The following JHY variants were observed in gnomAD, a reference collection of about 807,000 sequenced individuals.
JHY encodes junctional cadherin complex regulator, also known as jhy protein homolog.
In JHY, 69 loss-of-function variants were observed where a neutral mutation model predicts 78.0. The observed-to-expected ratio is 0.88, with a 90% CI of 0.73 to 1.08. The LOEUF (loss-of-function observed/expected upper bound fraction) is 1.08. Among genes scored for constraint, JHY ranks in the 50% least tolerant of loss-of-function variants. The pLI, the probability that JHY is intolerant of heterozygous loss-of-function variation, is 0.00. For missense variants in JHY, 944 were observed against 927.8 expected, an observed-to-expected ratio of 1.02 and a Z score of -0.23; for synonymous variants, 368 against 342.6, an observed-to-expected ratio of 1.07 and a Z score of -0.82.
At chr11:122,933,577 A>G (rs1236062890) in intron 4 of JHY, among the ~76,000 whole-genome samples, 2 of 152,210 alleles carry the variant, frequency 1.3e-5, no homozygotes, top group East Asian at 3.9e-4. Context: ...TATTTCCCCC[A>G]GATGTTTGAT....
At chr11:122,929,219 G>A (rs1480717213) in intron 4 of JHY, among the ~76,000 whole-genome samples, 2 of 150,478 alleles carry the variant, frequency 1.3e-5, no homozygotes, top group Admixed American at 6.6e-5. Context: ...GAGCCACCAC[G>A]CCTGGCCAAG....
chr11:122,891,013 C>T (rs1368474804), intron 2 of JHY, among the ~76,000 whole-genome samples: 3 of 152,102 alleles, frequency 2.0e-5, no homozygotes, highest in Admixed American at 2.0e-4. Flanking sequence ...TGTTAGTCTT[C>T]GAAGCCTCTC....
At chr11:122,892,663 A>G (rs1395231640) in intron 2 of JHY, among the ~76,000 whole-genome samples, 1 of 152,122 alleles carries the variant, frequency 6.6e-6, no homozygotes, top group Non-Finnish European at 1.5e-5. Context: ...TGTTTCTCTC[A>G]GATGCTTTCA....
chr11:122,887,463 C>T (rs1862519277), intron 2 of JHY, among the ~76,000 whole-genome samples: 1 of 152,142 alleles, frequency 6.6e-6, no homozygotes. Context: ...GCTGGGACTA[C>T]AGGCATGTGC....
At chr11:122,913,967 T>C (rs1459019988) in intron 3 of JHY, among the ~76,000 whole-genome samples, 1 of 152,226 alleles carries the variant, frequency 6.6e-6, no homozygotes, top group Non-Finnish European at 1.5e-5. Flanking sequence ...AACAAGAACT[T>C]GTGCTGTTAA....
rs367710958 is a variant in JHY at position 122,918,832 on chromosome 11, G to A, written c.865-6065G>A. 1.7e-4 allele frequency among the ~76,000 whole-genome samples: 25 copies of A among 147,520 alleles called. No homozygotes were observed. In the East Asian group the frequency reaches 4.4e-3, roughly 26 times the overall value. ...ACCCGTAGAGCTATACAGCAAGACA[G>A]CCCTGCACATGGTCCGTCCTTTTTC... On this transcript the variant is annotated intron_variant, in intron 3 of 8. Coordinates refer to ENST00000227349, the MANE Select transcript of JHY (RefSeq NM_024806.4).
chr11:122,884,978 T>TA (rs1328990996), intron 1 of JHY, among the ~76,000 whole-genome samples: 208 of 151,142 alleles, frequency 1.4e-3, no homozygotes, highest in African/African-American at 4.2e-3. Context: ...TTTTGTATTT[T>TA]TTTTTTTTTT....
chr11:122,889,833 A>G (rs1862571603), intron 2 of JHY, among the ~76,000 whole-genome samples: 1 of 152,132 alleles, frequency 6.6e-6, no homozygotes, highest in African/African-American at 2.4e-5. Context: ...ATCTTGGCTC[A>G]CTGCAACCTG....
At chr11:122,934,166 T>C (rs1398896904) in intron 4 of JHY, among the ~76,000 whole-genome samples, 2 of 152,028 alleles carry the variant, frequency 1.3e-5, no homozygotes, top group African/African-American at 2.4e-5. Context: ...GTCACCTTCC[T>C]AGAAGTCTCA....
intron 2 of JHY, among the ~76,000 whole-genome samples, chr11:122,896,097 C>T (rs1005331548): frequency 6.6e-6 from 1 of 152,154 alleles, no homozygotes; most frequent in Admixed American, 6.5e-5. Context: ...TATACACATT[C>T]TTAGAGTTTC....
At chr11:122,944,121 C>T (rs188814099) in intron 5 of JHY, among the ~76,000 whole-genome samples, 28 of 152,128 alleles carry the variant, frequency 1.8e-4, no homozygotes, top group African/African-American at 5.5e-4. Context: ...CACTTGAGCC[C>T]GTAAGTCAGA....
intron 2 of JHY, among the ~76,000 whole-genome samples, chr11:122,888,022 T>C (rs540970948): frequency 7.0e-6 from 1 of 143,320 alleles, no homozygotes; most frequent in South Asian, 2.3e-4. Context: ...CTTTCTTTCT[T>C]ATCTTTCTTC....
intron 2 of JHY, among the ~76,000 whole-genome samples, chr11:122,887,621 G>T (rs367830463): frequency 6.6e-6 from 1 of 151,214 alleles, no homozygotes; most frequent in Non-Finnish European, 1.5e-5. Flanking sequence ...GTGCCCGGCC[G>T]ATTTTTTTTT....
rs188600503 is a variant in JHY at position 122,915,614 on chromosome 11, G to T, written c.865-9283G>T. ...TGCAACCTCTGCCTCCTGGGTTCAA[G>T]CGATTCTCCTGCGTCAGCCTCCCAA... On this transcript the variant is annotated intron_variant, in intron 3 of 8. Transcript: ENST00000227349. 2.8e-4 allele frequency among the ~76,000 whole-genome samples: 42 copies of T among 152,304 alleles called. No homozygotes were observed. In the East Asian group the frequency reaches 7.3e-3, roughly 27 times the overall value.
At chr11:122,905,151 A>G in intron 3 of JHY, 2 of 1,577,594 alleles carry the variant, frequency 1.3e-6, no homozygotes, top group Non-Finnish European at 1.7e-6. Flanking sequence ...ACAGTAATAA[A>G]TGCCTTCTCT....
chr11:122,919,560 T>A (rs2135332646), intron 3 of JHY, among the ~76,000 whole-genome samples: 1 of 152,144 alleles, frequency 6.6e-6, no homozygotes, highest in East Asian at 1.9e-4. Flanking sequence ...GCCTTATAAA[T>A]CTTTGAAGAT....
chr11:122,931,593 C>T (rs1184199395), intron 4 of JHY, among the ~76,000 whole-genome samples: 1 of 152,084 alleles, frequency 6.6e-6, no homozygotes, highest in African/African-American at 2.4e-5. Context: ...TTTTATTGTT[C>T]ATAAACACAG....
chr11:122,938,083 G>A (rs1454192537), intron 5 of JHY, among the ~76,000 whole-genome samples: 1 of 151,942 alleles, frequency 6.6e-6, no homozygotes, highest in Non-Finnish European at 1.5e-5. Flanking sequence ...CTACTGAAGT[G>A]AAATTTCATA....
At chr11:122,948,258 A>G (rs966469427) in intron 6 of JHY, among the ~76,000 whole-genome samples, 1 of 151,884 alleles carries the variant, frequency 6.6e-6, no homozygotes, top group Non-Finnish European at 1.5e-5. Flanking sequence ...AGCTTGGACA[A>G]CATGGTGAAA....
Sources: gnomAD v4.1 joint callset for allele counts (sites outside exome capture counted in the v4.1 genomes callset) on GRCh38, gnomAD v4.1.1 for gene constraint, MANE v1.5 for transcripts, NCBI Gene and HGNC (gene_info 2026-07-23, HGNC 2026-07-21) for gene names.